Variants in P2RX3 observed in about 807,000 individuals in gnomAD.
P2RX3 encodes the protein P2X purinoceptor 3.
Under a neutral mutation model 51.5 loss-of-function variants are expected in P2RX3, and 41 were observed. That is an observed-to-expected ratio of 0.80 (90% CI 0.62 to 1.03). The LOEUF (loss-of-function observed/expected upper bound fraction) is 1.03. Ranked by LOEUF, P2RX3 falls within the 50% of genes least tolerant of loss-of-function variation. The pLI, the probability that P2RX3 is intolerant of heterozygous loss-of-function variation, is 0.00. For synonymous variants in P2RX3, 185 were observed against 191.6 expected, an observed-to-expected ratio of 0.97 and a Z score of 0.29; for missense variants, 459 against 522.1, an observed-to-expected ratio of 0.88 and a Z score of 1.18.
rs141108136 is a variant in P2RX3, at chr11:57,350,845, C to G, written c.789C>G (p.Thr263=). Residue 263 remains threonine (T), a synonymous_variant, in exon 8 of 12, where the codon ACC becomes ACG. Coordinates refer to ENST00000263314, the MANE Select transcript of P2RX3 (RefSeq NM_002559.5). The stretch of plus-strand genomic sequence containing the variant: ...AGTGCATCCCCAAATACTCCTTCAC[C>G]CGGCTCGACAGCGTTTCTGAGAAAA... ...WDQCIPKYSF[T]RLDSVSEKSS... 5.6e-6 allele frequency: 9 copies of G among 1,614,010 alleles called. No homozygotes were observed. The highest frequency in any genetic ancestry group is 6.8e-6 in the Non-Finnish European group (8 of 1,180,022).
At chr11:57,346,986 G>A in intron 2 of P2RX3, 130 bp from the exon 3 acceptor site, 1 of 1,010,138 alleles carries the variant, frequency 9.9e-7, no homozygotes, top group Non-Finnish European at 1.5e-6. Context: ...CACCAGCCCT[G>A]TGACCTTGGC....
chr11:57,372,058 T>C lies in P2RX3; in HGVS notation c.*2061T>C, dbSNP rs1856895994. 1.3e-5 allele frequency among the ~76,000 whole-genome samples: 2 copies of C among 152,234 alleles called. No homozygotes were observed. The highest frequency in any genetic ancestry group is 4.1e-4 in the South Asian group (2 of 4,834). ...GATGTAGGGTTAATATCAGTAGTGA[T>C]AAAAACAGCTACCTTGTCTCTGTTG... is the stretch of plus-strand genomic sequence containing the variant. On this transcript the variant is annotated 3_prime_UTR_variant, in exon 12 of 12. Coordinates refer to ENST00000263314, the MANE Select transcript of P2RX3 (RefSeq NM_002559.5).
intron 8 of P2RX3, among the ~76,000 whole-genome samples, chr11:57,363,299 A>C (rs1179324318): frequency 6.6e-6 from 1 of 152,216 alleles, no homozygotes; most frequent in African/African-American, 2.4e-5. Flanking sequence ...AGTTTGCAAC[A>C]GTCAGGGTTA....
chr11:57,336,323 C>T (rs4432037), upstream of P2RX3, among the ~76,000 whole-genome samples: 48,592 of 151,944 alleles, frequency 0.32, 7,987 homozygotes, highest in African/African-American at 0.36. Flanking sequence ...GCTGAACTGT[C>T]AAGTTCACTG....
At chr11:57,369,662 C>A (rs192555433) in intron 11 of P2RX3, among the ~76,000 whole-genome samples, 28 of 152,240 alleles carry the variant, frequency 1.8e-4, no homozygotes, top group African/African-American at 6.7e-4. Flanking sequence ...ACCCCGTCAC[C>A]TCCCCTCTCC....
chr11:57,343,151 G>A (rs1014977984), intron 1 of P2RX3, among the ~76,000 whole-genome samples: 2 of 152,318 alleles, frequency 1.3e-5, no homozygotes, highest in African/African-American at 4.8e-5. Flanking sequence ...ACATCCCGAG[G>A]CCCTGTGAGG....
chr11:57,369,354 C>T lies in P2RX3; in HGVS notation c.1003-7C>T. The T allele has an allele frequency of 3.1e-6, 5 of 1,609,330 alleles. No individual in the cohort carries two copies. Among genetic ancestry groups the T allele is most frequent in the Non-Finnish European group, 3.4e-6 (4 of 1,178,230 alleles). On this transcript the variant is annotated splice_region_variant and splice_polypyrimidine_tract_variant and intron_variant, in intron 10 of 11. Coordinates refer to ENST00000263314, the MANE Select transcript of P2RX3 (RefSeq NM_002559.5). Reference sequence around the variant, plus strand: ...CCTCGGAGCCCGCCCTGCCTCTCCTCCTCCAGGGAACTGTTCTCTGTGACA... The same window carrying T: ...CCTCGGAGCCCGCCCTGCCTCTCCTTCTCCAGGGAACTGTTCTCTGTGACA...
chr11:57,344,899 A>AC (rs11401367), intron 1 of P2RX3, among the ~76,000 whole-genome samples: 56,790 of 151,654 alleles, frequency 0.37, 12,437 homozygotes, highest in East Asian at 0.7. Flanking sequence ...AGTGGCTGGG[A>AC]CCCCCGGTAC....
At position 57,371,716 on chromosome 11, in the gene P2RX3, G is replaced by A. The variant is rs1384499546; in HGVS notation, c.*1719G>A. ...GGGTCAGCCTTGGGAATTGGGCAGTGCCTGGAGATCTGACCAGACTATGCT... is the reference window on the plus strand; with the variant it reads ...GGGTCAGCCTTGGGAATTGGGCAGTACCTGGAGATCTGACCAGACTATGCT... On this transcript the variant is annotated 3_prime_UTR_variant, in exon 12 of 12. Transcript: ENST00000263314. Among the ~76,000 whole-genome samples the A allele has an allele frequency of 1.3e-5, 2 of 152,228 alleles. No homozygotes were observed. Among genetic ancestry groups the A allele is most frequent in the Admixed American group, 1.3e-4 (2 of 15,288 alleles).
At chr11:57,343,086 C>T (rs758731164) in intron 1 of P2RX3, among the ~76,000 whole-genome samples, 4 of 152,242 alleles carry the variant, frequency 2.6e-5, no homozygotes, top group Non-Finnish European at 5.9e-5. Flanking sequence ...CAGAGACAGC[C>T]TCAGCCCCTC....
intron 8 of P2RX3, 94 bp downstream of exon 8, chr11:57,350,992 CA>C (rs371754300): frequency 0.094 from 144,045 of 1,536,722 alleles, 7,516 homozygotes; most frequent in Non-Finnish European, 0.1. Context: ...TCCATCCACC[CA>C]CCCCTGGCCC....
chr11:57,343,432 A>G (rs2134409214), intron 1 of P2RX3, among the ~76,000 whole-genome samples: 1 of 152,366 alleles, frequency 6.6e-6, no homozygotes, highest in East Asian at 1.9e-4. Flanking sequence ...GGACACAGCT[A>G]GAGACCTTCG....
intron 8 of P2RX3, among the ~76,000 whole-genome samples, chr11:57,366,307 T>C (rs1856795846): frequency 6.6e-6 from 1 of 152,116 alleles, no homozygotes; most frequent in South Asian, 2.1e-4. Context: ...GCAAATCTCC[T>C]CCCCACCATA....
upstream of P2RX3, chr11:57,338,343 C>A: frequency 2.3e-6 from 1 of 435,282 alleles, no homozygotes. Context: ...GGTCCCCCGC[C>A]CTGGTCCTGG....
chr11:57,367,614 G>A (rs780046009), intron 8 of P2RX3, among the ~76,000 whole-genome samples: 4 of 152,124 alleles, frequency 2.6e-5, no homozygotes, highest in Non-Finnish European at 2.9e-5. Context: ...CCAGCTACTC[G>A]GGAAGCTGAG....
chr11:57,343,899 T>G (rs1565062122), intron 1 of P2RX3, among the ~76,000 whole-genome samples: 1 of 152,230 alleles, frequency 6.6e-6, no homozygotes, highest in African/African-American at 2.4e-5. Context: ...GGCTGTGAGC[T>G]AATAATGCTC....
At chr11:57,359,336 GGAATGT>G (rs1314637542) in intron 8 of P2RX3, among the ~76,000 whole-genome samples, 6 of 152,198 alleles carry the variant, frequency 3.9e-5, no homozygotes, top group Non-Finnish European at 7.3e-5. Flanking sequence ...AGGAAGCCAG[GGAATGT>G]GGGCTGCAGA....
chr11:57,368,186 G>A (rs547733716), intron 9 of P2RX3, 84 bp downstream of exon 9: 33,915 of 1,442,906 alleles, frequency 0.024, 493 homozygotes, highest in South Asian at 0.032. Flanking sequence ...TCCTCTGGGG[G>A]GCAGGGGTCT....
At chr11:57,343,265 GAGGT>G (rs1335402951) in intron 1 of P2RX3, among the ~76,000 whole-genome samples, 1 of 152,224 alleles carries the variant, frequency 6.6e-6, no homozygotes, top group Non-Finnish European at 1.5e-5. Flanking sequence ...GGAGGAGGAG[GAGGT>G]AGGAGATTGG....
Sources: gnomAD v4.1 joint callset for allele counts (sites outside exome capture counted in the v4.1 genomes callset) on GRCh38, gnomAD v4.1.1 for gene constraint, MANE v1.5 for transcripts, NCBI Gene and HGNC (gene_info 2026-07-23, HGNC 2026-07-21) for gene names.